Variants in TDP1 observed in about 807,000 individuals in gnomAD.
TDP1 encodes the protein tyrosyl-DNA phosphodiesterase 1.
In TDP1, 64 loss-of-function variants were observed where a neutral mutation model predicts 81.5. That is an observed-to-expected ratio of 0.79 (90% CI 0.64 to 0.97). TDP1 has a LOEUF of 0.97. Among genes scored for constraint, TDP1 ranks in the 50% least tolerant of loss-of-function variants. TDP1 has a pLI of 0.00. For missense variants in TDP1, 723 were observed against 743.8 expected, an observed-to-expected ratio of 0.97 and a Z score of 0.33; for synonymous variants, 256 against 264.3, an observed-to-expected ratio of 0.97 and a Z score of 0.30.
intron 14 of TDP1, among the ~76,000 whole-genome samples, chr14:89,997,027 A>G (rs912612129): frequency 6.6e-6 from 1 of 152,242 alleles, no homozygotes; most frequent in African/African-American, 2.4e-5. Context: ...GAGATTTACC[A>G]AAGAATTCAT....
chr14:89,982,000 T>C (rs75356978), intron 8 of TDP1, among the ~76,000 whole-genome samples: 18,525 of 152,048 alleles, frequency 0.12, 3,062 homozygotes, highest in African/African-American at 0.38. Flanking sequence ...AGCTTTCCAG[T>C]TTCCTTCAAC....
chr14:89,999,144 A>G (rs766886054), intron 14 of TDP1, among the ~76,000 whole-genome samples: 13 of 152,348 alleles, frequency 8.5e-5, no homozygotes, highest in Middle Eastern at 3.4e-3. Context: ...CCCATGCATT[A>G]TAAGTTATTT....
At chr14:89,957,708 A>G (rs1891827784) in intron 2 of TDP1, among the ~76,000 whole-genome samples, 1 of 152,244 alleles carries the variant, frequency 6.6e-6, no homozygotes, top group African/African-American at 2.4e-5. Context: ...TAAAAGTGCT[A>G]ACAGTGTCCT....
intron 14 of TDP1, among the ~76,000 whole-genome samples, chr14:89,997,952 T>A (rs756510197): frequency 7.9e-5 from 12 of 152,168 alleles, no homozygotes; most frequent in Non-Finnish European, 1.3e-4. Flanking sequence ...TATGTTCTGG[T>A]GCTGGGAATT....
intron 15 of TDP1, among the ~76,000 whole-genome samples, chr14:90,025,012 G>A (rs920525419): frequency 3.3e-5 from 5 of 152,082 alleles, no homozygotes; most frequent in African/African-American, 7.2e-5. Context: ...CTCTGTGTCC[G>A]CACCACCCAC....
At chr14:89,992,112 T>C (rs1896253829) in intron 13 of TDP1, 129 bp downstream of exon 13, 1 of 742,206 alleles carries the variant, frequency 1.3e-6, no homozygotes, top group African/African-American at 1.8e-5. Context: ...CTACATATGT[T>C]AGTGATAGAA....
At chr14:89,989,915 T>C (rs1274837849) in intron 12 of TDP1, 150 bp downstream of exon 12, 2 of 708,772 alleles carry the variant, frequency 2.8e-6, no homozygotes, top group Non-Finnish European at 5.2e-6. Context: ...AGCTCTGCAT[T>C]CCGCAGATGA....
chr14:89,998,426 A>C, intron 14 of TDP1, among the ~76,000 whole-genome samples: 1 of 115,818 alleles, frequency 8.6e-6, no homozygotes, highest in Admixed American at 8.5e-5. Flanking sequence ...ATATATATGT[A>C]TGTATGTATG....
At chr14:90,000,730 A>G (rs1218185810) in intron 14 of TDP1, among the ~76,000 whole-genome samples, 2 of 152,142 alleles carry the variant, frequency 1.3e-5, no homozygotes, top group African/African-American at 4.8e-5. Context: ...TTATTCTCCA[A>G]TTTTGGCTGG....
chr14:89,988,016 T>G lies in TDP1; in HGVS notation c.1132-889T>G, dbSNP rs186792134. ...TGACTGACCAGCTTCAAGTTGAGGT[T>G]CCCATGACCCTCTCTTTGGGCTTCA... On this transcript the variant is annotated intron_variant, in intron 10 of 16. Coordinates refer to ENST00000335725, the MANE Select transcript of TDP1 (RefSeq NM_018319.4). 2.6e-5 allele frequency among the ~76,000 whole-genome samples: 4 copies of G among 152,280 alleles called. No individual in the cohort carries two copies. In the East Asian group the frequency reaches 7.7e-4, roughly 29 times the overall value.
chr14:89,988,033 T>C (rs886900617), intron 10 of TDP1, among the ~76,000 whole-genome samples: 16 of 152,108 alleles, frequency 1.1e-4, no homozygotes, highest in African/African-American at 3.9e-4. Flanking sequence ...ACCCTCTCTT[T>C]GGGCTTCATT....
At chr14:89,981,197 C>G (rs1477087250) in intron 8 of TDP1, among the ~76,000 whole-genome samples, 1 of 152,088 alleles carries the variant, frequency 6.6e-6, no homozygotes, top group Non-Finnish European at 1.5e-5. Context: ...GGTGTATTTT[C>G]TTTGAAACAA....
intron 14 of TDP1, among the ~76,000 whole-genome samples, chr14:90,015,707 C>T (rs1174010383): frequency 6.6e-6 from 1 of 152,188 alleles, no homozygotes. Flanking sequence ...GGCAAGGCAG[C>T]TTTCTGGGGT....
At chr14:89,990,571 A>G (rs1404971042) in intron 12 of TDP1, among the ~76,000 whole-genome samples, 1 of 70,584 alleles carries the variant, frequency 1.4e-5, no homozygotes, top group Non-Finnish European at 2.8e-5. Context: ...TTTTTTTTTT[A>G]ATGGCAAAAC....
At chr14:90,032,677 A>G in intron 15 of TDP1, 1 of 875,446 alleles carries the variant, frequency 1.1e-6, no homozygotes, top group Non-Finnish European at 1.4e-6. Flanking sequence ...CACTTTCATT[A>G]TACATGAAAG....
At chr14:89,987,532 A>G (rs1895702227) in intron 10 of TDP1, among the ~76,000 whole-genome samples, 1 of 152,224 alleles carries the variant, frequency 6.6e-6, no homozygotes, top group Non-Finnish European at 1.5e-5. Context: ...CACGCAGAGG[A>G]GGAAGCAAGC....
intron 15 of TDP1, among the ~76,000 whole-genome samples, chr14:90,030,377 A>G (rs1183406582): frequency 6.6e-6 from 1 of 151,850 alleles, no homozygotes; most frequent in African/African-American, 2.4e-5. Context: ...AATTACACCA[A>G]TTTTTCAAGC....
At chr14:89,981,408 A>G (rs1894957807) in intron 8 of TDP1, 5 of 446,540 alleles carry the variant, frequency 1.1e-5, no homozygotes, top group Non-Finnish European at 2.2e-5. Flanking sequence ...GATTTGCTCA[A>G]CAAGTTCAGC....
At chr14:89,999,103 G>A (rs1896975181) in intron 14 of TDP1, among the ~76,000 whole-genome samples, 1 of 151,898 alleles carries the variant, frequency 6.6e-6, no homozygotes, top group Non-Finnish European at 1.5e-5. Flanking sequence ...TGTTATTTTG[G>A]TCAAGATAAT....
Sources: gnomAD v4.1 joint callset for allele counts (sites outside exome capture counted in the v4.1 genomes callset) on GRCh38, gnomAD v4.1.1 for gene constraint, MANE v1.5 for transcripts, NCBI Gene and HGNC (gene_info 2026-07-23, HGNC 2026-07-21) for gene names.